Variants in TAB2 observed in about 807,000 individuals in gnomAD.
TAB2 encodes TGF-beta-activated kinase 1 and MAP3K7-binding protein 2.
Under a neutral mutation model 65.0 loss-of-function variants are expected in TAB2, and 3 were observed. The observed-to-expected ratio is 0.05, with a 90% CI of 0.02 to 0.12. The LOEUF (loss-of-function observed/expected upper bound fraction) is 0.12. Ranked by LOEUF, TAB2 falls within the 10% of genes least tolerant of loss-of-function variation. TAB2 has a pLI of 1.00. For synonymous variants in TAB2, 298 were observed against 285.1 expected, an observed-to-expected ratio of 1.05 and a Z score of -0.46; for missense variants, 623 against 840.3, an observed-to-expected ratio of 0.74 and a Z score of 3.20.
chr6:149,297,978 A>G (rs1778906724), intron 1 of TAB2, among the ~76,000 whole-genome samples: 1 of 152,222 alleles, frequency 6.6e-6, no homozygotes, highest in Admixed American at 6.5e-5. Context: ...CTGGGACAAT[A>G]CATTGGATTA....
chr6:149,389,112 C>T (rs571959655), intron 3 of TAB2, among the ~76,000 whole-genome samples: 136 of 152,006 alleles, frequency 8.9e-4, no homozygotes, highest in African/African-American at 3.0e-3. Context: ...TGCACCACCA[C>T]GCCTGGCTAA....
intron 1 of TAB2, among the ~76,000 whole-genome samples, chr6:149,297,170 C>G (rs559271): frequency 0.33 from 49,459 of 151,724 alleles, 8,127 homozygotes; most frequent in East Asian, 0.41. Context: ...GACACCTTGA[C>G]AGTTCAACCC....
intron 3 of TAB2, among the ~76,000 whole-genome samples, chr6:149,386,128 C>T (rs1425756180): frequency 6.6e-6 from 1 of 152,152 alleles, no homozygotes; most frequent in Non-Finnish European, 1.5e-5. Context: ...CAGGAACACA[C>T]TATACACATG....
At chr6:149,245,660 T>A (rs1170469030) in intron 1 of TAB2, 1 of 152,114 alleles carries the variant, frequency 6.6e-6, no homozygotes, top group Non-Finnish European at 1.5e-5. Flanking sequence ...AATTAGGGTG[T>A]TTTGCTGTTT....
intron 6 of TAB2, among the ~76,000 whole-genome samples, chr6:149,401,891 CTT>C (rs1163906721): frequency 6.6e-6 from 1 of 150,750 alleles, no homozygotes; most frequent in Non-Finnish European, 1.5e-5. Flanking sequence ...AAAAGGGAAT[CTT>C]AACAGTATCT....
At chr6:149,303,688 C>A (rs546945555) in intron 1 of TAB2, among the ~76,000 whole-genome samples, 13 of 152,266 alleles carry the variant, frequency 8.5e-5, no homozygotes, top group African/African-American at 3.1e-4. Context: ...TGATTTTGTT[C>A]AATCCACAAC....
intron 1 of TAB2, among the ~76,000 whole-genome samples, chr6:149,324,078 C>T (rs1779529431): frequency 6.6e-6 from 1 of 152,086 alleles, no homozygotes. Context: ...ATTTTAATTG[C>T]CTTGTTAAAA....
At chr6:149,370,723 G>A (rs6570964) in intron 2 of TAB2, among the ~76,000 whole-genome samples, 66,100 of 151,790 alleles carry the variant, frequency 0.44, 15,018 homozygotes, top group Middle Eastern at 0.58. Flanking sequence ...CAAATATTGA[G>A]TGATAGTTGT....
chr6:149,360,297 C>T (rs1441429550), intron 1 of TAB2, among the ~76,000 whole-genome samples: 1 of 152,148 alleles, frequency 6.6e-6, no homozygotes, highest in African/African-American at 2.4e-5. Context: ...TAATTGGCTC[C>T]TAGTTCTGCA....
intron 1 of TAB2, among the ~76,000 whole-genome samples, chr6:149,349,270 C>T (rs780463697): frequency 6.6e-6 from 1 of 151,486 alleles, no homozygotes; most frequent in Non-Finnish European, 1.5e-5. Context: ...AATACAAAAA[C>T]TTAGCCAGGC....
intron 1 of TAB2, among the ~76,000 whole-genome samples, chr6:149,340,155 C>G (rs1780070832): frequency 6.6e-6 from 1 of 152,106 alleles, no homozygotes; most frequent in African/African-American, 2.4e-5. Flanking sequence ...AAAGCTTAAA[C>G]TACAATTTAA....
intron 1 of TAB2, among the ~76,000 whole-genome samples, chr6:149,253,524 G>A (rs565394711): frequency 5.9e-4 from 86 of 146,584 alleles, no homozygotes; most frequent in South Asian, 2.8e-3. Flanking sequence ...CCAGCTACTC[G>A]TAGAAGAATC....
intron 1 of TAB2, among the ~76,000 whole-genome samples, chr6:149,295,348 C>T (rs1583069889): frequency 6.6e-6 from 1 of 152,044 alleles, no homozygotes; most frequent in East Asian, 1.9e-4. Flanking sequence ...TTTGGTTTTT[C>T]GTTTTGTTTT....
chr6:149,337,856 G>C (rs1455739878), intron 1 of TAB2, among the ~76,000 whole-genome samples: 2 of 152,132 alleles, frequency 1.3e-5, no homozygotes, highest in African/African-American at 2.4e-5. Flanking sequence ...GATAGGGATA[G>C]GGTGGTAAGC....
intron 1 of TAB2, among the ~76,000 whole-genome samples, chr6:149,274,216 C>A (rs572992542): frequency 6.6e-6 from 1 of 152,242 alleles, no homozygotes; most frequent in South Asian, 2.1e-4. Context: ...GTGGTCTTGC[C>A]CTCAGTCACC....
chr6:149,335,549 C>T (rs1490946211), intron 1 of TAB2, among the ~76,000 whole-genome samples: 1 of 151,770 alleles, frequency 6.6e-6, no homozygotes, highest in Non-Finnish European at 1.5e-5. Context: ...TTTTTTCTAA[C>T]TTTTTGTAGA....
intron 6 of TAB2, among the ~76,000 whole-genome samples, chr6:149,401,647 A>G (rs188808231): frequency 6.6e-6 from 1 of 152,302 alleles, no homozygotes; most frequent in Non-Finnish European, 1.5e-5. Context: ...ATCCAGGCAG[A>G]AAATGAATAA....
At chr6:149,402,186 C>T (rs967011026) in intron 6 of TAB2, among the ~76,000 whole-genome samples, 2 of 151,108 alleles carry the variant, frequency 1.3e-5, no homozygotes, top group Admixed American at 1.3e-4. Flanking sequence ...TTGACAAACC[C>T]TTAGCTAGAT....
At position 149,295,472 on chromosome 6, in the gene TAB2, CA is replaced by C. The variant is rs138618573; in HGVS notation, c.-121+76697del. On this transcript the variant is annotated intron_variant, in intron 1 of 1. Coordinates refer to the TAB2 transcript ENST00000606202. ...TATCTCTTCAAATACTACCTTTTCCCATGTCTCTGTCCCCTCCTTCTGGAAC... is the reference window on the plus strand; with the variant it reads ...TATCTCTTCAAATACTACCTTTTCCCTGTCTCTGTCCCCTCCTTCTGGAAC... Among the ~76,000 whole-genome samples, 912 of 152,280 alleles carry C rather than the reference CA, an allele frequency of 6.0e-3. 6 individuals are homozygous for C. Among genetic ancestry groups the C allele is most frequent in the Non-Finnish European group, 8.5e-3 (577 of 68,030 alleles).
Sources: gnomAD v4.1 joint callset for allele counts (sites outside exome capture counted in the v4.1 genomes callset) on GRCh38, gnomAD v4.1.1 for gene constraint, MANE v1.5 for transcripts, NCBI Gene and HGNC (gene_info 2026-07-23, HGNC 2026-07-21) for gene names.